The following KLHL3 variants were observed in gnomAD, a reference collection of about 807,000 sequenced individuals.
KLHL3 encodes kelch-like protein 3.
Under a neutral mutation model 70.5 loss-of-function variants are expected in KLHL3, and 19 were observed. That is an observed-to-expected ratio of 0.27 (90% CI 0.19 to 0.40). The LOEUF is 0.40. KLHL3 is among the 10% of genes least tolerant of loss of function. KLHL3 has a pLI of 1.00. For synonymous variants in KLHL3, 258 were observed against 290.3 expected (o/e 0.89, Z 1.13); for missense variants, 512 against 771.1 (o/e 0.66, Z 3.98).
chr5:137,641,930 CT>C (rs1231757183), intron 8 of KLHL3, among the ~76,000 whole-genome samples: 2 of 152,224 alleles, frequency 1.3e-5, no homozygotes, highest in Non-Finnish European at 2.9e-5. Flanking sequence ...AGAGGGTCCA[CT>C]GCTCTGTGTC....
In KLHL3 at chr5:137,639,500, G is replaced by C. The variant is rs1750855360; in HGVS notation, c.1022-350C>G. 6.6e-6 allele frequency among the ~76,000 whole-genome samples: 1 copy of C among 152,068 alleles called. No homozygotes were observed. Among genetic ancestry groups the C allele is most frequent in the Non-Finnish European group, 1.5e-5 (1 of 68,016 alleles). On this transcript the variant is annotated intron_variant, in intron 9 of 14. Coordinates refer to ENST00000309755, the MANE Select transcript of KLHL3 (RefSeq NM_017415.3). The surrounding 1 kb of genome is among the most constrained non-coding windows in gnomAD (Gnocchi z 5.0). The stretch of plus-strand genomic sequence containing the variant: ...ACCTGAGGTCAGGAGTTCAAGACCA[G>C]CTTGGCCAAAATGGTGAAACCCGTC...
intron 1 of KLHL3, among the ~76,000 whole-genome samples, chr5:137,728,410 C>G (rs935405790): frequency 6.6e-6 from 1 of 152,148 alleles, no homozygotes; most frequent in Non-Finnish European, 1.5e-5. Flanking sequence ...GCTTTCCTCA[C>G]TCCCCTTCAT....
At chr5:137,625,711 T>G (rs2074344) in intron 14 of KLHL3, 42 bp downstream of exon 14, 5 of 1,604,178 alleles carry the variant, frequency 3.1e-6, no homozygotes, top group Non-Finnish European at 4.3e-6. Context: ...CCCCAGTGTG[T>G]TGGAGGCCTC....
chr5:137,724,277 C>T (rs992916082), intron 1 of KLHL3, among the ~76,000 whole-genome samples: 6 of 152,084 alleles, frequency 3.9e-5, no homozygotes, highest in African/African-American at 1.2e-4. Flanking sequence ...GATTAAAGCA[C>T]GGAAAAGCCT....
intron 5 of KLHL3, among the ~76,000 whole-genome samples, chr5:137,686,972 G>A (rs1752184959): frequency 8.7e-6 from 1 of 114,978 alleles, no homozygotes; most frequent in Admixed American, 8.3e-5. Flanking sequence ...GGAGGGAGGT[G>A]GGGGGGTCAG....
chr5:137,686,578 A>C (rs573468496), intron 5 of KLHL3, among the ~76,000 whole-genome samples: 1 of 152,364 alleles, frequency 6.6e-6, no homozygotes, highest in South Asian at 2.1e-4. Context: ...ACCTGTGACC[A>C]CAGAGACCAA....
intron 3 of KLHL3, among the ~76,000 whole-genome samples, chr5:137,704,797 A>G (rs1185369087): frequency 6.6e-6 from 1 of 152,226 alleles, no homozygotes; most frequent in Admixed American, 6.5e-5. Flanking sequence ...ATTATTAGAC[A>G]GGACTACTGG....
At chr5:137,657,506 C>A (rs1357524047) in intron 8 of KLHL3, among the ~76,000 whole-genome samples, 1 of 152,174 alleles carries the variant, frequency 6.6e-6, no homozygotes, top group African/African-American at 2.4e-5. Flanking sequence ...GCAGCCAGCA[C>A]ACACCATAAA....
intron 5 of KLHL3, among the ~76,000 whole-genome samples, chr5:137,679,139 A>C (rs1369049407): frequency 1.4e-5 from 2 of 146,770 alleles, no homozygotes; most frequent in African/African-American, 4.9e-5. Context: ...TAAAAGCAAG[A>C]GAGCAATCTT....
intron 8 of KLHL3, among the ~76,000 whole-genome samples, chr5:137,640,935 T>TA (rs2149886149): frequency 6.6e-6 from 1 of 152,346 alleles, no homozygotes; most frequent in South Asian, 2.1e-4. Flanking sequence ...TATACACACT[T>TA]ACATGTGTCT....
rs556798054 is a variant in KLHL3 at position 137,702,004 on chromosome 5, C to CT, written c.242-3597dup. ...TGATTCTCTCTAGGGCAGATATTTG[C>CT]TCATTTATTCAATTCACCAAACACA... is the stretch of plus-strand genomic sequence containing the variant. On this transcript the variant is annotated intron_variant, in intron 3 of 14. Transcript: ENST00000309755. 7.1e-3 allele frequency among the ~76,000 whole-genome samples: 1,087 copies of CT among 152,338 alleles called. 5 individuals are homozygous for CT. The highest frequency in any genetic ancestry group is 0.013 in the Non-Finnish European group (853 of 68,042).
At chr5:137,700,422 A>G (rs999464901) in intron 3 of KLHL3, among the ~76,000 whole-genome samples, 1 of 152,256 alleles carries the variant, frequency 6.6e-6, no homozygotes, top group Non-Finnish European at 1.5e-5. Flanking sequence ...ACAGCAGTGT[A>G]AATCAGAGCC....
intron 5 of KLHL3, among the ~76,000 whole-genome samples, chr5:137,687,958 T>C (rs1449410625): frequency 2.6e-5 from 1 of 38,538 alleles, no homozygotes; most frequent in Non-Finnish European, 4.7e-5. Flanking sequence ...AAACAGATGC[T>C]TGAAGGCAGC....
chr5:137,698,580 A>G (rs1351561213), intron 3 of KLHL3, among the ~76,000 whole-genome samples, 172 bp from the exon 4 acceptor site: 1 of 152,250 alleles, frequency 6.6e-6, no homozygotes, highest in Non-Finnish European at 1.5e-5. Context: ...TCAAGGTCAC[A>G]TCAGCTTTGG....
At chr5:137,654,332 G>C (rs1049134775) in intron 8 of KLHL3, among the ~76,000 whole-genome samples, 1 of 152,148 alleles carries the variant, frequency 6.6e-6, no homozygotes, top group East Asian at 1.9e-4. Context: ...GAAGCAGTTC[G>C]GTGTAAAAGG....
At chr5:137,651,924 AG>A (rs1353684508) in intron 8 of KLHL3, among the ~76,000 whole-genome samples, 4 of 152,356 alleles carry the variant, frequency 2.6e-5, no homozygotes, top group African/African-American at 9.6e-5. Flanking sequence ...TTATAACAAA[AG>A]TGACAGGGTA....
intron 8 of KLHL3, among the ~76,000 whole-genome samples, chr5:137,656,210 C>CA (rs11454314): frequency 0.36 from 53,032 of 145,612 alleles, 10,021 homozygotes; most frequent in East Asian, 0.61. Context: ...GTTTACATTA[C>CA]AAAAAAAAAA....
At chr5:137,647,445 C>A (rs1311809636) in intron 8 of KLHL3, 3 of 454,936 alleles carry the variant, frequency 6.6e-6, no homozygotes, top group Non-Finnish European at 1.3e-5. Context: ...CTCAGGACTA[C>A]ATAGGTCATT....
At position 137,681,921 on chromosome 5, in the gene KLHL3, G is replaced by A. The variant is rs191941566; in HGVS notation, c.527-4267C>T. Among the ~76,000 whole-genome samples the A allele has an allele frequency of 4.3e-3, 659 of 152,218 alleles. 5 individuals carry two copies. Among genetic ancestry groups the A allele is most frequent in the African/African-American group, 0.015 (623 of 41,530 alleles). The stretch of plus-strand genomic sequence containing the variant: ...TATGGATGGGAAATTATGGAGAAGA[G>A]GAAGAGGCACCATATAACTTTCAGT... On this transcript the variant is annotated intron_variant, in intron 5 of 14. Coordinates refer to ENST00000309755, the MANE Select transcript of KLHL3 (RefSeq NM_017415.3).
Sources: gnomAD v4.1 joint callset for allele counts (sites outside exome capture counted in the v4.1 genomes callset) on GRCh38, gnomAD v4.1.1 for gene constraint, Gnocchi (gnomAD v3.1) non-coding constraint, MANE v1.5 for transcripts, NCBI Gene and HGNC (gene_info 2026-07-23, HGNC 2026-07-21) for gene names.